FBLN2: variants seen among roughly 807,000 people sequenced by gnomAD.
FBLN2 encodes the protein fibulin 2.
In FBLN2, 81 loss-of-function variants were observed where a neutral mutation model predicts 123.7. The ratio of observed to expected loss-of-function variants is 0.65; its 90% CI spans 0.55 to 0.79. The LOEUF (loss-of-function observed/expected upper bound fraction) is 0.79. FBLN2 is among the 30% of genes least tolerant of loss of function. The pLI is 0.00. For missense variants in FBLN2, 1,603 were observed against 1,681.3 expected (o/e 0.95, Z 0.81); for synonymous variants, 699 against 701.4 (o/e 1.00, Z 0.05).
intron 2 of FBLN2, among the ~76,000 whole-genome samples, chr3:13,607,372 T>A (rs1398737392): frequency 6.6e-6 from 1 of 152,170 alleles, no homozygotes; most frequent in Non-Finnish European, 1.5e-5. Flanking sequence ...ATTCATGCAG[T>A]GGAAGTGGAC....
chr3:13,598,859 C>A (rs1318456905), intron 2 of FBLN2, among the ~76,000 whole-genome samples: 1 of 152,182 alleles, frequency 6.6e-6, no homozygotes, highest in Non-Finnish European at 1.5e-5. Flanking sequence ...GCTGCTTTTC[C>A]TGGGTGCTAG....
chr3:13,575,942 C>A (rs1409497913), intron 2 of FBLN2, among the ~76,000 whole-genome samples: 4 of 152,194 alleles, frequency 2.6e-5, no homozygotes, highest in Admixed American at 2.0e-4. Context: ...GAGATGGAGC[C>A]TACCTCCCCA....
intron 1 of FBLN2, among the ~76,000 whole-genome samples, chr3:13,550,029 A>G (rs1703279863): frequency 6.6e-6 from 1 of 152,220 alleles, no homozygotes; most frequent in Non-Finnish European, 1.5e-5. Context: ...TATGTATCAC[A>G]CATGTGTCTC....
At chr3:13,635,826 G>A (rs999087911) in intron 16 of FBLN2, among the ~76,000 whole-genome samples, 3 of 152,300 alleles carry the variant, frequency 2.0e-5, no homozygotes, top group African/African-American at 4.8e-5. Flanking sequence ...GTTGAGGGGG[G>A]ACGGTAGAAA....
In FBLN2 at chr3:13,580,857, C is replaced by T. The variant is rs572596815; in HGVS notation, c.1306+9196C>T. Reference sequence around the variant, plus strand: ...ACATTTATTATTGCTCCCAAGTCCACGGGCCAGTTGGGCAGTCCTGCTAAC... The same window carrying T: ...ACATTTATTATTGCTCCCAAGTCCATGGGCCAGTTGGGCAGTCCTGCTAAC... On this transcript the variant is annotated intron_variant, in intron 2 of 17. Coordinates refer to ENST00000404922, the MANE Select transcript of FBLN2 (RefSeq NM_001004019.2). 8.5e-5 allele frequency among the ~76,000 whole-genome samples: 13 copies of T among 152,366 alleles called. No homozygotes were observed. The South Asian group carries it at 1.0e-3, about 12-fold the overall frequency.
At chr3:13,628,753 G>A (rs1341546648) in intron 11 of FBLN2, among the ~76,000 whole-genome samples, 152 bp from the exon 12 acceptor site, 1 of 152,078 alleles carries the variant, frequency 6.6e-6, no homozygotes, top group Non-Finnish European at 1.5e-5. Context: ...CTTGGGTAGT[G>A]GGGCACAGGG....
chr3:13,577,417 G>A (rs566672180), intron 2 of FBLN2, among the ~76,000 whole-genome samples: 2 of 152,138 alleles, frequency 1.3e-5, no homozygotes, highest in Non-Finnish European at 2.9e-5. Flanking sequence ...CGAGATAAGT[G>A]GGGGAGAGGG....
intron 1 of FBLN2, chr3:13,568,602 C>T (rs371265933): frequency 6.1e-5 from 12 of 196,818 alleles, no homozygotes; most frequent in African/African-American, 2.1e-4. Flanking sequence ...CTCTGTCCTT[C>T]ACCTTTCTGC....
chr3:13,584,569 C>T (rs984302725), intron 2 of FBLN2, among the ~76,000 whole-genome samples: 12 of 152,146 alleles, frequency 7.9e-5, no homozygotes, highest in Non-Finnish European at 1.6e-4. Context: ...TGGTGAGAGC[C>T]GAGGCTCCAG....
rs528418921 is a variant in FBLN2 at position 13,620,362 on chromosome 3, C to A, written c.2155+531C>A. 1.4e-3 allele frequency among the ~76,000 whole-genome samples: 217 copies of A among 152,258 alleles called. 2 individuals are homozygous for A. Among genetic ancestry groups the A allele is most frequent in the Non-Finnish European group, 2.6e-3 (179 of 68,016 alleles). ...TGGAGAGGGGGAAGGGGAAGCAATG[C>A]CGGTTGTTTTAAGGGCAGCCAGAAG... On this transcript the variant is annotated intron_variant, in intron 8 of 17. Coordinates refer to ENST00000404922, the MANE Select transcript of FBLN2 (RefSeq NM_001004019.2).
Position 13,570,369 on chromosome 3 carries a change from G to T in FBLN2, c.14G>T (p.Trp5Leu). ...CTGGCCTGGACCATGGTGCTGCTCT[G>T]GGAGCCTGCAGGAGCCTGGCTTGCT... MVLL[W>L]EPAGAWLALG... The change falls in exon 2 of 18, where the codon TGG becomes TTG. Residue 5 changes from tryptophan to leucine, a missense_variant. Physicochemically the swap from Trp to Leu is moderately conservative, Grantham distance 61. Transcript: ENST00000404922. 6.4e-7 allele frequency: 1 copy of T among 1,566,650 alleles called. No homozygotes were observed. Among genetic ancestry groups the T allele is most frequent in the Non-Finnish European group, 8.7e-7 (1 of 1,155,722 alleles).
In FBLN2 at chr3:13,575,645, C is replaced by T. The variant is rs56304824; in HGVS notation, c.1306+3984C>T. Among the ~76,000 whole-genome samples the T allele has an allele frequency of 1.7e-3, 261 of 152,244 alleles. 2 individuals carry two copies. The highest frequency in any genetic ancestry group is 5.2e-3 in the African/African-American group (218 of 41,528). ...GATAACAAAGCTGCTCTCTAGGATCCCACAGCCCAGACCACAGAGAGGCCT... is the reference window on the plus strand; with the variant it reads ...GATAACAAAGCTGCTCTCTAGGATCTCACAGCCCAGACCACAGAGAGGCCT... On this transcript the variant is annotated intron_variant, in intron 2 of 17. Coordinates refer to ENST00000404922, the MANE Select transcript of FBLN2 (RefSeq NM_001004019.2).
At position 13,629,651 on chromosome 3, in the gene FBLN2, C is replaced by T. The variant is rs564244845; in HGVS notation, c.2843-169C>T. 1.1e-4 allele frequency among the ~76,000 whole-genome samples: 16 copies of T among 152,340 alleles called. No homozygotes were observed. In the East Asian group the frequency reaches 2.5e-3, roughly 24 times the overall value. ...TCCTCCAATACCCTTGCTGCCTCCC[C>T]GCCACCTGGTCTCTTTGCCTCTCTC... On this transcript the variant is annotated intron_variant, in intron 13 of 17. Coordinates refer to ENST00000404922, the MANE Select transcript of FBLN2 (RefSeq NM_001004019.2).
Position 13,621,868 on chromosome 3 carries a change from T to C in FBLN2, c.2249T>C (p.Val750Ala). Residue 750 changes from valine (V) to alanine (A), a missense_variant, in exon 9 of 18, where the codon GTG becomes GCG. Physicochemically the swap from Val to Ala is moderately conservative, Grantham distance 64. Transcript: ENST00000404922. ...LGSFYCVNHT[V>A]LCADGYILNA... is the part of the protein sequence containing the mutation. ...TCCTTCTACTGTGTCAACCACACAG[T>C]GCTCTGTGCCGATGGCTATATCCTC... The C allele has an allele frequency of 1.2e-6, 2 of 1,614,000 alleles. No homozygotes were observed. Among genetic ancestry groups the C allele is most frequent in the Non-Finnish European group, 1.7e-6 (2 of 1,179,880 alleles).
At chr3:13,549,451 G>T (rs1040696153) in intron 1 of FBLN2, among the ~76,000 whole-genome samples, 1 of 151,858 alleles carries the variant, frequency 6.6e-6, no homozygotes, top group Non-Finnish European at 1.5e-5. Flanking sequence ...GCCGGCGCGG[G>T]GTGGGGGCCA....
Position 13,626,510 on chromosome 3 carries a change from G to T in FBLN2, c.2362G>T (p.Gly788Cys). 1 of 1,567,204 alleles carries T rather than the reference G, an allele frequency of 6.4e-7. No individual in the cohort carries two copies. The highest frequency in any genetic ancestry group is 8.7e-7 in the Non-Finnish European group (1 of 1,155,888). The change falls in exon 10 of 18, where the codon GGC (glycine) becomes TGC (cysteine). Residue 788 changes from glycine to cysteine, a missense_variant. Physicochemically the swap from Gly to Cys is radical, Grantham distance 159. Transcript: ENST00000404922. ...SRGEHCVNTL[G>C]SFHCYKALTC... ...GGGCGAGCACTGTGTGAACACACTGGGCTCCTTCCACTGCTACAAGGCACT... is the reference window on the plus strand; with the variant it reads ...GGGCGAGCACTGTGTGAACACACTGTGCTCCTTCCACTGCTACAAGGCACT...
intron 9 of FBLN2, among the ~76,000 whole-genome samples, chr3:13,624,758 G>A (rs986745401): frequency 3.3e-5 from 5 of 152,244 alleles, no homozygotes; most frequent in Admixed American, 2.6e-4. Context: ...GGCTGGGGCC[G>A]ACACACCCAC....
chr3:13,617,057 A>G (rs1166186119), intron 5 of FBLN2, among the ~76,000 whole-genome samples: 1 of 151,970 alleles, frequency 6.6e-6, no homozygotes, highest in African/African-American at 2.4e-5. Context: ...ATTGTAGAGG[A>G]CTCAGTGATG....
intron 6 of FBLN2, among the ~76,000 whole-genome samples, chr3:13,618,618 C>T (rs985196740): frequency 2.0e-5 from 3 of 152,206 alleles, no homozygotes; most frequent in African/African-American, 7.2e-5. Context: ...TCCTCCCAGT[C>T]ACTGGTCCCA....
Sources: gnomAD v4.1 joint callset for allele counts (sites outside exome capture counted in the v4.1 genomes callset) on GRCh38, gnomAD v4.1.1 for gene constraint, MANE v1.5 for transcripts, NCBI Gene and HGNC (gene_info 2026-07-23, HGNC 2026-07-21) for gene names.